Variants in SPECC1 observed in about 807,000 individuals in gnomAD.
SPECC1 encodes the protein cytospin-B.
In SPECC1, 62 loss-of-function variants were observed where a neutral mutation model predicts 104.1. That is an observed-to-expected ratio of 0.60 (90% CI 0.49 to 0.74). SPECC1 has a LOEUF of 0.74. Ranked by LOEUF, SPECC1 falls within the 30% of genes least tolerant of loss-of-function variation. The pLI is 0.00. For synonymous variants in SPECC1, 513 were observed against 501.6 expected (o/e 1.02, Z -0.30); for missense variants, 1,306 against 1,310.5 (o/e 1.00, Z 0.05).
intron 3 of SPECC1, among the ~76,000 whole-genome samples, chr17:20,163,660 A>G (rs550218687): frequency 5.2e-4 from 78 of 151,146 alleles, no homozygotes; most frequent in African/African-American, 1.8e-3. Context: ...TCCTGGGTGC[A>G]GGCGGTCCTC....
At chr17:20,212,791 G>A (rs572162976) in intron 4 of SPECC1, among the ~76,000 whole-genome samples, 64 of 152,312 alleles carry the variant, frequency 4.2e-4, no homozygotes, top group Non-Finnish European at 3.7e-4. Flanking sequence ...TCAGACGAAT[G>A]AATGAATGTC....
intron 1 of SPECC1, chr17:20,010,051 C>T (rs1236022763): frequency 6.6e-6 from 1 of 152,140 alleles, no homozygotes; most frequent in African/African-American, 2.4e-5. Flanking sequence ...GCGCGGTGCC[C>T]GTGGGTTTCC....
chr17:20,303,711 G>A (rs763321719), intron 13 of SPECC1, among the ~76,000 whole-genome samples: 4 of 152,142 alleles, frequency 2.6e-5, no homozygotes, highest in South Asian at 2.1e-4. Flanking sequence ...CCAGCAGTTC[G>A]GAAGACTTTG....
intron 1 of SPECC1, among the ~76,000 whole-genome samples, chr17:20,088,948 T>C (rs1188763768): frequency 2.0e-5 from 3 of 152,248 alleles, no homozygotes; most frequent in Non-Finnish European, 4.4e-5. Context: ...AGGCACCTTC[T>C]GTGCGGCAGA....
intron 3 of SPECC1, among the ~76,000 whole-genome samples, chr17:20,113,764 A>G (rs2048612666): frequency 6.6e-6 from 1 of 152,214 alleles, no homozygotes. Context: ...GGCAAGTTCC[A>G]CTCAACACCA....
intron 3 of SPECC1, among the ~76,000 whole-genome samples, chr17:20,154,430 G>A (rs147028035): frequency 1.6e-4 from 24 of 150,576 alleles, no homozygotes; most frequent in Non-Finnish European, 3.0e-4. Context: ...GAATGTTGCA[G>A]GCAGAGGGAA....
chr17:20,200,905 A>AG (rs11456072), intron 3 of SPECC1, among the ~76,000 whole-genome samples: 1 of 151,588 alleles, frequency 6.6e-6, no homozygotes, highest in East Asian at 1.9e-4. Context: ...AAAAAAAAAA[A>AG]GGAAAAAGAA....
chr17:20,200,220 C>T (rs1049544089), intron 3 of SPECC1, among the ~76,000 whole-genome samples: 1 of 152,164 alleles, frequency 6.6e-6, no homozygotes, highest in Non-Finnish European at 1.5e-5. Flanking sequence ...ACAGACCAAC[C>T]AGCTTAATAC....
At chr17:20,300,342 T>C (rs2041527174) in intron 13 of SPECC1, among the ~76,000 whole-genome samples, 1 of 152,196 alleles carries the variant, frequency 6.6e-6, no homozygotes, top group Non-Finnish European at 1.5e-5. Context: ...ATTTATTCCC[T>C]CCCTGCCCTC....
intron 1 of SPECC1, among the ~76,000 whole-genome samples, chr17:20,031,161 A>G (rs1232997681): frequency 1.3e-5 from 2 of 151,848 alleles, no homozygotes; most frequent in Non-Finnish European, 2.9e-5. Context: ...TGCCTGGCTA[A>G]TTTTTGTATT....
intron 3 of SPECC1, among the ~76,000 whole-genome samples, chr17:20,156,559 C>T (rs2032562161): frequency 6.6e-6 from 1 of 152,174 alleles, no homozygotes; most frequent in Admixed American, 6.5e-5. Flanking sequence ...CGCAGGCCGC[C>T]CTCGGACTTT....
chr17:20,031,210 G>T (rs1379246157), intron 1 of SPECC1, among the ~76,000 whole-genome samples: 1 of 152,128 alleles, frequency 6.6e-6, no homozygotes, highest in Admixed American at 6.5e-5. Flanking sequence ...GGCCAGGCTG[G>T]TCTCAAACTC....
chr17:20,107,144 C>CAAAAAAAAAAAAAAAAAAAAAA (rs531912350), intron 2 of SPECC1, among the ~76,000 whole-genome samples: 19 of 68,174 alleles, frequency 2.8e-4, no homozygotes, highest in South Asian at 6.3e-4. Flanking sequence ...ACTCGTGTCT[C>CAAAAAAAAAAAAAAAAAAAAAA]AAAAAAAAAA....
chr17:20,297,580 G>T (rs1215655351), intron 13 of SPECC1, among the ~76,000 whole-genome samples: 1 of 152,146 alleles, frequency 6.6e-6, no homozygotes, highest in South Asian at 2.1e-4. Context: ...TAAGGGCCAC[G>T]TAATAGACTC....
intron 1 of SPECC1, among the ~76,000 whole-genome samples, chr17:20,075,470 T>TA (rs1435438814): frequency 6.6e-6 from 1 of 152,012 alleles, no homozygotes; most frequent in African/African-American, 2.4e-5. Flanking sequence ...TTGGAGAAAA[T>TA]AGTGACTTAA....
At chr17:20,071,804 A>T (rs995206223) in intron 1 of SPECC1, among the ~76,000 whole-genome samples, 3 of 151,700 alleles carry the variant, frequency 2.0e-5, no homozygotes, top group African/African-American at 7.3e-5. Context: ...TGTGAATTTA[A>T]AAAGTAAATG....
At position 20,096,677 on chromosome 17, in the gene SPECC1, AC is replaced by A; in HGVS notation, c.29del (p.Pro10GlnfsTer23). 6.2e-7 allele frequency: 1 copy of A among 1,613,826 alleles called. No individual in the cohort carries two copies. Among genetic ancestry groups the A allele is most frequent in the East Asian group, 2.2e-5 (1 of 44,860 alleles). On this transcript the variant is annotated frameshift_variant, in exon 2 of 15. Transcript: ENST00000395527. LOFTEE classifies it high-confidence loss of function. ...ATGCGGAGTGCAGCCAAGCCCTGGA[AC>A]CCAGCCATCAGAGCAGGGGGCCACG... is the stretch of plus-strand genomic sequence containing the variant. Reference protein sequence around the residue: MRSAAKPWNPAIRAGGHGP... With the variant: MRSAAKPWXPAIRAGGHGP...
chr17:20,305,910 C>T (rs912021657), intron 13 of SPECC1, 113 bp from the exon 14 acceptor site: 2 of 887,068 alleles, frequency 2.3e-6, no homozygotes, highest in Non-Finnish European at 3.4e-6. Context: ...ACTTACTATT[C>T]TTCGCTTTAT....
At chr17:20,054,316 G>C (rs184019474) in intron 1 of SPECC1, among the ~76,000 whole-genome samples, 20 of 152,322 alleles carry the variant, frequency 1.3e-4, no homozygotes, top group Admixed American at 1.3e-3. Flanking sequence ...TCCAGCTCCT[G>C]TCTCTCCTGC....
Sources: gnomAD v4.1 joint callset for allele counts (sites outside exome capture counted in the v4.1 genomes callset) on GRCh38, gnomAD v4.1.1 for gene constraint, MANE v1.5 for transcripts, NCBI Gene and HGNC (gene_info 2026-07-23, HGNC 2026-07-21) for gene names.